Variants in TEX9 observed in about 807,000 individuals in gnomAD.
The protein encoded by TEX9 is testis-expressed protein 9.
TEX9 carries 74 observed loss-of-function variants against 59.6 expected under a neutral mutation model. The observed-to-expected ratio is 1.24, with a 90% CI of 1.03 to 1.51. The LOEUF is 1.51. Among genes scored for constraint, TEX9 ranks in the 40% most tolerant of loss-of-function variants. TEX9 has a pLI of 0.00. For missense variants in TEX9, 522 were observed against 447.8 expected, an observed-to-expected ratio of 1.17 and a Z score of -1.49; for synonymous variants, 186 against 152.2, an observed-to-expected ratio of 1.22 and a Z score of -1.64.
intron 12 of TEX9, among the ~76,000 whole-genome samples, chr15:56,431,180 T>A (rs1324209636): frequency 2.0e-5 from 3 of 152,144 alleles, no homozygotes; most frequent in Admixed American, 6.6e-5. Flanking sequence ...CATCTAATAA[T>A]GTGCTAAGAC....
chr15:56,289,659 C>T (rs1467155025), intron 1 of TEX9, among the ~76,000 whole-genome samples: 1 of 152,196 alleles, frequency 6.6e-6, no homozygotes, highest in Admixed American at 6.5e-5. Context: ...GGGGGTTTCT[C>T]TTGGCACTGG....
chr15:56,448,914 C>T (rs890014869), downstream of TEX9, among the ~76,000 whole-genome samples: 3 of 151,908 alleles, frequency 2.0e-5, no homozygotes, highest in Admixed American at 6.6e-5. Flanking sequence ...CCACCATGCC[C>T]GGTTAATTTT....
intron 1 of TEX9, among the ~76,000 whole-genome samples, chr15:56,282,723 A>T (rs560911535): frequency 1.3e-5 from 2 of 152,258 alleles, no homozygotes; most frequent in South Asian, 4.1e-4. Flanking sequence ...AAAGGGAGAA[A>T]AGTGGGATTG....
At chr15:56,329,358 C>A (rs530329956) in intron 1 of TEX9, among the ~76,000 whole-genome samples, 73 of 152,256 alleles carry the variant, frequency 4.8e-4, no homozygotes, top group African/African-American at 1.7e-3. Flanking sequence ...AAATACCTAA[C>A]TCTTCAATGC....
chr15:56,444,117 C>T (rs2050866678), intron 12 of TEX9, among the ~76,000 whole-genome samples: 1 of 151,964 alleles, frequency 6.6e-6, no homozygotes, highest in Non-Finnish European at 1.5e-5. Context: ...TTAACATTAG[C>T]TTTGCAGCAC....
intron 4 of TEX9, among the ~76,000 whole-genome samples, chr15:56,386,670 AATAG>A (rs1173121480): frequency 1.3e-5 from 2 of 152,016 alleles, no homozygotes; most frequent in African/African-American, 4.8e-5. Flanking sequence ...TTCTATGAAA[AATAG>A]ATATTTAAGT....
At chr15:56,331,008 TC>T (rs777541414) in intron 1 of TEX9, among the ~76,000 whole-genome samples, 4 of 152,158 alleles carry the variant, frequency 2.6e-5, no homozygotes, top group Non-Finnish European at 5.9e-5. Context: ...CAGGAGTTGC[TC>T]TGTTTATATC....
chr15:56,319,535 G>A (rs2713900), intron 1 of TEX9, among the ~76,000 whole-genome samples: 70,486 of 151,694 alleles, frequency 0.46, 18,872 homozygotes, highest in Non-Finnish European at 0.6. Context: ...CAAGCTTTTC[G>A]TGTTTGCTTT....
chr15:56,246,869 C>T (rs1259986672), intron 1 of TEX9, among the ~76,000 whole-genome samples: 1 of 151,990 alleles, frequency 6.6e-6, no homozygotes, highest in African/African-American at 2.4e-5. Context: ...CTGTTTCGAT[C>T]TCTATAAAAA....
chr15:56,391,289 A>T, exon 7 of TEX9: 1 of 1,587,480 alleles, frequency 6.3e-7, no homozygotes, highest in Non-Finnish European at 8.5e-7. Flanking sequence ...CGATGTTGCC[A>T]TTCCAGAGGA....
intron 8 of TEX9, 98 bp downstream of exon 8, chr15:56,394,345 C>G: frequency 9.3e-7 from 1 of 1,081,052 alleles, no homozygotes; most frequent in Non-Finnish European, 1.3e-6. Flanking sequence ...AGATATAAAT[C>G]ATAGTTAAAT....
At chr15:56,301,415 A>G (rs958459822) in intron 1 of TEX9, among the ~76,000 whole-genome samples, 3 of 152,160 alleles carry the variant, frequency 2.0e-5, no homozygotes, top group South Asian at 2.1e-4. Flanking sequence ...TCAGAGAAAG[A>G]TATCAATATT....
chr15:56,284,360 A>G (rs1023287335), intron 1 of TEX9, among the ~76,000 whole-genome samples: 1 of 152,190 alleles, frequency 6.6e-6, no homozygotes, highest in Non-Finnish European at 1.5e-5. Context: ...TTGTGCATAA[A>G]AAGTTAAAAT....
intron 1 of TEX9, among the ~76,000 whole-genome samples, chr15:56,296,719 A>C (rs1439792851): frequency 6.6e-6 from 1 of 152,238 alleles, no homozygotes; most frequent in Admixed American, 6.5e-5. Flanking sequence ...TTAAATTTGA[A>C]TATAGGTGAG....
chr15:56,394,402 G>C (rs1265276788), intron 8 of TEX9, 155 bp downstream of exon 8: 2 of 679,574 alleles, frequency 2.9e-6, no homozygotes, highest in African/African-American at 3.7e-5. Flanking sequence ...ATTCTGAGAT[G>C]TTGAATTTTC....
At chr15:56,304,567 A>C (rs147469179) in intron 1 of TEX9, among the ~76,000 whole-genome samples, 1 of 152,332 alleles carries the variant, frequency 6.6e-6, no homozygotes, top group African/African-American at 2.4e-5. Flanking sequence ...ATGTAGAACT[A>C]TCCTTGCATT....
intron 6 of TEX9, among the ~76,000 whole-genome samples, chr15:56,390,658 C>A (rs1439276376): frequency 6.6e-6 from 1 of 151,984 alleles, no homozygotes; most frequent in Non-Finnish European, 1.5e-5. Flanking sequence ...AAATTCACAT[C>A]CAACTTTTTG....
intron 12 of TEX9, among the ~76,000 whole-genome samples, chr15:56,438,491 A>G (rs1400663119): frequency 1.3e-5 from 2 of 152,164 alleles, no homozygotes; most frequent in Non-Finnish European, 2.9e-5. Flanking sequence ...ACAAAAATTA[A>G]TTCAGGATGG....
chr15:56,444,338 T>G (rs963551870), intron 12 of TEX9: 14 of 871,388 alleles, frequency 1.6e-5, no homozygotes, highest in Non-Finnish European at 2.2e-5. Context: ...TATTGAGCAC[T>G]TACTATGTAT....
Sources: gnomAD v4.1 joint callset for allele counts (sites outside exome capture counted in the v4.1 genomes callset) on GRCh38, gnomAD v4.1.1 for gene constraint, MANE v1.5 for transcripts, NCBI Gene and HGNC (gene_info 2026-07-23, HGNC 2026-07-21) for gene names.